Variants in NAALADL2 observed in about 807,000 individuals in gnomAD.
NAALADL2 encodes N-acetylated alpha-linked acidic dipeptidase like 2, also known as inactive N-acetylated-alpha-linked acidic dipeptidase-like protein 2.
Under a neutral mutation model 87.2 loss-of-function variants are expected in NAALADL2, and 76 were observed. The observed-to-expected ratio is 0.87, with a 90% CI of 0.72 to 1.05. The LOEUF is 1.05. Among genes scored for constraint, NAALADL2 ranks in the 50% least tolerant of loss-of-function variants. The probability of loss-of-function intolerance (pLI) is 0.00; values close to 1 mark genes in which losing one functional copy is unlikely to be tolerated. For synonymous variants in NAALADL2, 354 were observed against 331.0 expected (o/e 1.07, Z -0.75); for missense variants, 1,089 against 945.8 (o/e 1.15, Z -1.99).
chr3:175,708,149 A>T (rs1739997610), intron 11 of NAALADL2, among the ~76,000 whole-genome samples: 1 of 152,264 alleles, frequency 6.6e-6, no homozygotes, highest in South Asian at 2.1e-4. Context: ...ATAAATATAA[A>T]GCTGGATTCA....
intron 11 of NAALADL2, among the ~76,000 whole-genome samples, chr3:175,702,501 A>G (rs1333265263): frequency 6.6e-6 from 1 of 152,178 alleles, no homozygotes; most frequent in African/African-American, 2.4e-5. Context: ...ATCACTGCCT[A>G]CAAAGTTACC....
rs181438094 is a variant in NAALADL2 at position 174,494,826 on chromosome 3, G to A, written c.-184+53794G>A. On this transcript the variant is annotated intron_variant, in intron 1 of 3. Coordinates refer to the NAALADL2 transcript ENST00000434257. ...TTACGTTGGAGGGATAGATTTTAAT[G>A]CTGCTAATCACAATAGGCAATATGG... Among the ~76,000 whole-genome samples the A allele has an allele frequency of 2.9e-4, 44 of 152,230 alleles. No individual in the cohort carries two copies. The East Asian group carries it at 8.3e-3, about 29-fold the overall frequency.
intron 5 of NAALADL2, among the ~76,000 whole-genome samples, chr3:175,433,662 G>A (rs895273410): frequency 6.6e-6 from 1 of 151,916 alleles, no homozygotes; most frequent in African/African-American, 2.4e-5. Flanking sequence ...AAGAAAGTAG[G>A]CAAAGCATTA....
intron 3 of NAALADL2, among the ~76,000 whole-genome samples, chr3:174,791,797 C>T (rs1261760760): frequency 1.3e-5 from 2 of 152,032 alleles, no homozygotes; most frequent in African/African-American, 4.8e-5. Context: ...TAATCAGTAG[C>T]CTTGATTACT....
chr3:175,021,161 G>T lies in NAALADL2; in HGVS notation c.44-75629G>T, dbSNP rs75101653. On this transcript the variant is annotated intron_variant, in intron 1 of 13. Coordinates refer to ENST00000454872, the MANE Select transcript of NAALADL2 (RefSeq NM_207015.3). Reference sequence around the variant, plus strand: ...TATCAAAAGAGGAAAAAGTTGTGAAGGTCTCCTGTGTTTAGTCGCAGGTCT... The same window carrying T: ...TATCAAAAGAGGAAAAAGTTGTGAATGTCTCCTGTGTTTAGTCGCAGGTCT... 4.2e-3 allele frequency among the ~76,000 whole-genome samples: 634 copies of T among 152,046 alleles called. 2 individuals carry two copies. Among genetic ancestry groups the T allele is most frequent in the African/African-American group, 0.01 (416 of 41,526 alleles).
intron 5 of NAALADL2, among the ~76,000 whole-genome samples, chr3:175,367,853 C>G (rs943880161): frequency 3.3e-4 from 50 of 152,168 alleles, no homozygotes; most frequent in African/African-American, 1.2e-3. Context: ...TTATTTCCTT[C>G]TCCTGCCTGA....
At chr3:174,692,479 A>T (rs1728666911) in intron 2 of NAALADL2, among the ~76,000 whole-genome samples, 1 of 152,106 alleles carries the variant, frequency 6.6e-6, no homozygotes, top group South Asian at 2.1e-4. Context: ...ATTTCCATAA[A>T]CTTTGGCTAT....
chr3:174,899,804 G>A (rs768084180), intron 1 of NAALADL2, among the ~76,000 whole-genome samples: 3 of 151,440 alleles, frequency 2.0e-5, no homozygotes, highest in African/African-American at 2.4e-5. Flanking sequence ...ATGCTTACAC[G>A]GCCAGAAAAG....
intron 2 of NAALADL2, among the ~76,000 whole-genome samples, chr3:175,187,773 G>T (rs909600675): frequency 6.6e-6 from 1 of 152,078 alleles, no homozygotes; most frequent in Admixed American, 6.6e-5. Context: ...AGCATTGGCT[G>T]CCTCCCATAT....
chr3:174,520,954 C>A (rs1007055452), intron 1 of NAALADL2, among the ~76,000 whole-genome samples: 1 of 151,982 alleles, frequency 6.6e-6, no homozygotes, highest in Admixed American at 6.6e-5. Flanking sequence ...CAAACTAAAA[C>A]CACAATAAGA....
At position 175,377,468 on chromosome 3, in the gene NAALADL2, G is replaced by C. The variant is rs571334268; in HGVS notation, c.1090+53143G>C. ...TTCACATCTCTACTATTTTTGCTTAGATACTGAACTTTGTGAATGTTACAT... is the reference window on the plus strand; with the variant it reads ...TTCACATCTCTACTATTTTTGCTTACATACTGAACTTTGTGAATGTTACAT... On this transcript the variant is annotated intron_variant, in intron 5 of 13. Coordinates refer to ENST00000454872, the MANE Select transcript of NAALADL2 (RefSeq NM_207015.3). Among the ~76,000 whole-genome samples, 14 of 152,008 alleles carry C rather than the reference G, an allele frequency of 9.2e-5. No homozygotes were observed. In the East Asian group the frequency reaches 1.9e-3, roughly 21 times the overall value.
At chr3:175,331,128 A>G (rs955737810) in intron 5 of NAALADL2, among the ~76,000 whole-genome samples, 1 of 152,138 alleles carries the variant, frequency 6.6e-6, no homozygotes, top group Non-Finnish European at 1.5e-5. Context: ...TACCAATAAC[A>G]AGTAATAAAA....
At chr3:174,484,323 G>A (rs575958716) in intron 1 of NAALADL2, among the ~76,000 whole-genome samples, 1 of 55,536 alleles carries the variant, frequency 1.8e-5, no homozygotes, top group African/African-American at 8.6e-5. Context: ...TTGCATTATG[G>A]TATAGCTCCT....
At chr3:175,070,760 T>C (rs779609741) in intron 1 of NAALADL2, among the ~76,000 whole-genome samples, 3 of 152,116 alleles carry the variant, frequency 2.0e-5, no homozygotes, top group Non-Finnish European at 4.4e-5. Flanking sequence ...TGGATGAATT[T>C]AGTACCATAT....
chr3:175,285,313 C>T (rs1161513951), intron 4 of NAALADL2, among the ~76,000 whole-genome samples: 4 of 152,090 alleles, frequency 2.6e-5, no homozygotes, highest in Non-Finnish European at 2.9e-5. Context: ...AGGTACATTG[C>T]ACAGAATACT....
At chr3:174,954,037 A>T (rs982221142) in intron 1 of NAALADL2, among the ~76,000 whole-genome samples, 3 of 152,062 alleles carry the variant, frequency 2.0e-5, no homozygotes, top group African/African-American at 7.2e-5. Flanking sequence ...CTTGGAGTCT[A>T]TTTAGATACG....
chr3:175,681,454 G>A (rs561248295), intron 11 of NAALADL2, among the ~76,000 whole-genome samples: 6 of 152,200 alleles, frequency 3.9e-5, no homozygotes, highest in East Asian at 1.9e-4. Flanking sequence ...AAATTTAAGC[G>A]TGACTGTTTT....
At chr3:174,467,425 G>A (rs1260600119) in intron 1 of NAALADL2, among the ~76,000 whole-genome samples, 2 of 150,740 alleles carry the variant, frequency 1.3e-5, no homozygotes, top group Non-Finnish European at 3.0e-5. Flanking sequence ...AAACCCCGTG[G>A]CTACTAAAAA....
chr3:174,999,501 C>G (rs576669679), intron 1 of NAALADL2, among the ~76,000 whole-genome samples: 1 of 152,238 alleles, frequency 6.6e-6, no homozygotes, highest in Admixed American at 6.5e-5. Context: ...TCTTACGGTG[C>G]TTTTCATAAA....
Sources: allele counts gnomAD v4.1 joint callset (sites outside exome capture counted in the v4.1 genomes callset), GRCh38; gene constraint gnomAD v4.1.1; transcripts MANE v1.5; gene names NCBI Gene and HGNC (gene_info 2026-07-23, HGNC 2026-07-21).